Variants in CCDC148 observed in about 807,000 individuals in gnomAD.
CCDC148 encodes the protein coiled-coil domain-containing protein 148.
In CCDC148, 89 loss-of-function variants were observed where a neutral mutation model predicts 85.7. The observed-to-expected ratio is 1.04, with a 90% CI of 0.87 to 1.24. The LOEUF (loss-of-function observed/expected upper bound fraction) is 1.24, where lower values mean the gene tolerates loss of function less well. Ranked by LOEUF, CCDC148 falls within the 50% of genes most tolerant of loss-of-function variation. CCDC148 has a pLI of 0.00. For synonymous variants in CCDC148, 230 were observed against 213.9 expected (o/e 1.08, Z -0.66); for missense variants, 692 against 671.7 (o/e 1.03, Z -0.33).
chr2:158,415,281 G>A (rs140121017), intron 1 of CCDC148, among the ~76,000 whole-genome samples: 28 of 152,182 alleles, frequency 1.8e-4, no homozygotes, highest in African/African-American at 6.7e-4. Context: ...AGAGTGAAGG[G>A]TGAGGTGCTA....
At chr2:158,219,181 A>C (rs775817064) in intron 11 of CCDC148, among the ~76,000 whole-genome samples, 14 of 152,310 alleles carry the variant, frequency 9.2e-5, no homozygotes, top group Admixed American at 6.5e-4. Flanking sequence ...AGTTCCAGGA[A>C]ATTTTTTTAC....
In CCDC148 at chr2:158,340,607, T is replaced by C. The variant is rs756776997; in HGVS notation, c.325A>G (p.Thr109Ala). Residue 109 changes from threonine to alanine, a missense_variant, in exon 4 of 14, where the codon ACA becomes GCA. Coordinates refer to ENST00000283233, the MANE Select transcript of CCDC148 (RefSeq NM_138803.4). ...NIGNECLCDL[T>A]NFEQELSEQQ... ...ATCAAAAAAATCTTACCAAAATTTG[T>C]AAGGTCACAAAGACATTCATTTCCA... 1.4e-5 allele frequency: 22 copies of C among 1,579,000 alleles called. No individual in the cohort carries two copies. Among genetic ancestry groups the C allele is most frequent in the Non-Finnish European group, 1.9e-5 (22 of 1,162,624 alleles).
chr2:158,308,474 T>TA (rs61088668), intron 9 of CCDC148, among the ~76,000 whole-genome samples: 2 of 152,026 alleles, frequency 1.3e-5, no homozygotes, highest in Admixed American at 6.5e-5. Context: ...CTTTTTGTTT[T>TA]AAAAAATGCA....
intron 1 of CCDC148, among the ~76,000 whole-genome samples, chr2:158,398,939 G>A (rs1168950552): frequency 4.6e-5 from 7 of 151,856 alleles, no homozygotes; most frequent in African/African-American, 9.7e-5. Context: ...AATGATAAAG[G>A]GGATATCACC....
intron 7 of CCDC148, among the ~76,000 whole-genome samples, chr2:158,324,885 C>G (rs1692692279): frequency 6.6e-6 from 1 of 152,116 alleles, no homozygotes; most frequent in Non-Finnish European, 1.5e-5. Context: ...CTCCCAGCAT[C>G]TGCACCATAT....
At chr2:158,294,026 TTCCTTCCTTCCTTCC>T (rs1691043330) in intron 9 of CCDC148, among the ~76,000 whole-genome samples, 1 of 54,738 alleles carries the variant, frequency 1.8e-5, no homozygotes, top group Admixed American at 1.9e-4. Context: ...CCTTCCTTCC[TTCCTTCCTTCCTTCC>T]TTCCTTCCTT....
At chr2:158,324,324 A>G (rs1692663110) in intron 7 of CCDC148, among the ~76,000 whole-genome samples, 1 of 152,178 alleles carries the variant, frequency 6.6e-6, no homozygotes, top group Non-Finnish European at 1.5e-5. Context: ...AAGAAAGTCC[A>G]TGTTCTATAA....
chr2:158,358,304 G>A (rs1011022200), intron 2 of CCDC148, 145 bp downstream of exon 2: 10 of 876,718 alleles, frequency 1.1e-5, no homozygotes, highest in Middle Eastern at 3.2e-4. Flanking sequence ...TTCGATAAAT[G>A]TTAGCTGCTA....
At chr2:158,244,434 T>C (rs1202911634) in intron 10 of CCDC148, among the ~76,000 whole-genome samples, 1 of 152,140 alleles carries the variant, frequency 6.6e-6, no homozygotes, top group Admixed American at 6.6e-5. Flanking sequence ...AGTTCTCACC[T>C]GGAGAAAAAA....
intron 1 of CCDC148, among the ~76,000 whole-genome samples, chr2:158,397,555 A>G (rs1384116276): frequency 6.6e-6 from 1 of 152,178 alleles, no homozygotes; most frequent in Non-Finnish European, 1.5e-5. Flanking sequence ...GAGAAATAAA[A>G]TCCTTTATAT....
chr2:158,289,219 TA>T (rs1385027299), intron 9 of CCDC148, among the ~76,000 whole-genome samples: 1 of 152,184 alleles, frequency 6.6e-6, no homozygotes, highest in Admixed American at 6.5e-5. Flanking sequence ...CAAAGATTGA[TA>T]AATCAATTAC....
intron 7 of CCDC148, among the ~76,000 whole-genome samples, chr2:158,326,289 C>A (rs1692770535): frequency 6.6e-6 from 1 of 152,138 alleles, no homozygotes; most frequent in East Asian, 1.9e-4. Flanking sequence ...ACTTTCTCAA[C>A]CAGGCCTACC....
intron 11 of CCDC148, among the ~76,000 whole-genome samples, chr2:158,218,477 C>G (rs1207738660): frequency 6.6e-6 from 1 of 152,052 alleles, no homozygotes; most frequent in African/African-American, 2.4e-5. Flanking sequence ...AACTGAAGTT[C>G]TGAATCAGCT....
chr2:158,286,649 T>G (rs1283269319), intron 9 of CCDC148, among the ~76,000 whole-genome samples: 1 of 152,114 alleles, frequency 6.6e-6, no homozygotes, highest in Non-Finnish European at 1.5e-5. Flanking sequence ...CCCATGGACA[T>G]AGACAAATAA....
In CCDC148 at chr2:158,316,511, GT is replaced by G. The variant is rs375415575; in HGVS notation, c.765-2618del. 8.0e-4 allele frequency among the ~76,000 whole-genome samples: 122 copies of G among 152,132 alleles called. 1 individual carries two copies. The highest frequency in any genetic ancestry group is 2.7e-3 in the African/African-American group (114 of 41,488). On this transcript the variant is annotated intron_variant, in intron 7 of 13. Coordinates refer to ENST00000283233, the MANE Select transcript of CCDC148 (RefSeq NM_138803.4). ...ATTTTAGAAGCCTCACATCCCAACA[GT>G]TTTTTCCAGTTACCAAAATTACTCA...
chr2:158,371,444 T>C (rs1684437071), intron 1 of CCDC148, among the ~76,000 whole-genome samples: 1 of 152,080 alleles, frequency 6.6e-6, no homozygotes, highest in African/African-American at 2.4e-5. Context: ...AGATTTTCAG[T>C]CCTACTTGCC....
chr2:158,454,354 G>A (rs1238279085), intron 1 of CCDC148, among the ~76,000 whole-genome samples: 1 of 152,208 alleles, frequency 6.6e-6, no homozygotes, highest in East Asian at 1.9e-4. Context: ...TCATGTAAGA[G>A]AGAAATTATA....
At chr2:158,435,722 C>G (rs1230819025) in intron 1 of CCDC148, among the ~76,000 whole-genome samples, 1 of 152,114 alleles carries the variant, frequency 6.6e-6, no homozygotes, top group African/African-American at 2.4e-5. Flanking sequence ...GTGCTGTATT[C>G]AGGAGACCCA....
At chr2:158,258,582 C>G (rs1689098322) in intron 9 of CCDC148, among the ~76,000 whole-genome samples, 1 of 151,788 alleles carries the variant, frequency 6.6e-6, no homozygotes, top group Admixed American at 6.6e-5. Flanking sequence ...ACCATTTGAA[C>G]AAACCAGAAA....
Sources: gnomAD v4.1 joint callset for allele counts (sites outside exome capture counted in the v4.1 genomes callset) on GRCh38, gnomAD v4.1.1 for gene constraint, MANE v1.5 for transcripts, NCBI Gene and HGNC (gene_info 2026-07-23, HGNC 2026-07-21) for gene names.